PTPRN2: variants seen among roughly 807,000 people sequenced by gnomAD.
PTPRN2 encodes the protein protein tyrosine phosphatase receptor type N2, also known as receptor-type tyrosine-protein phosphatase N2.
In PTPRN2, 74 loss-of-function variants were observed where a neutral mutation model predicts 118.8. The ratio of observed to expected loss-of-function variants is 0.62; its 90% CI spans 0.52 to 0.76. The LOEUF (loss-of-function observed/expected upper bound fraction) is 0.76. PTPRN2 is among the 30% of genes least tolerant of loss of function. The pLI is 0.00. For missense variants in PTPRN2, 1,481 were observed against 1,394.4 expected, an observed-to-expected ratio of 1.06 and a Z score of -0.99; for synonymous variants, 641 against 608.0, an observed-to-expected ratio of 1.05 and a Z score of -0.80.
At chr7:158,290,106 G>A (rs1353299215) in intron 3 of PTPRN2, among the ~76,000 whole-genome samples, 1 of 152,000 alleles carries the variant, frequency 6.6e-6, no homozygotes, top group East Asian at 1.9e-4. Flanking sequence ...TTGAATTTGT[G>A]GGGGTGAGCC....
chr7:158,398,931 C>T (rs1259904239), intron 2 of PTPRN2, among the ~76,000 whole-genome samples: 1 of 152,184 alleles, frequency 6.6e-6, no homozygotes, highest in African/African-American at 2.4e-5. Flanking sequence ...AAATGCTATC[C>T]CCAACTAGGC....
intron 6 of PTPRN2, among the ~76,000 whole-genome samples, chr7:158,146,217 G>A (rs761648461): frequency 6.6e-6 from 1 of 152,028 alleles, no homozygotes; most frequent in Admixed American, 6.6e-5. Context: ...CTTCCAACTT[G>A]CTCAAGATCT....
intron 14 of PTPRN2, among the ~76,000 whole-genome samples, chr7:157,646,919 T>C (rs1585163807): frequency 6.7e-6 from 1 of 148,466 alleles, no homozygotes; most frequent in Admixed American, 6.6e-5. Context: ...CAGTGTGCAC[T>C]GAACTCGGTG....
chr7:158,321,723 T>C (rs1803030754), intron 2 of PTPRN2, among the ~76,000 whole-genome samples: 1 of 152,228 alleles, frequency 6.6e-6, no homozygotes, highest in South Asian at 2.1e-4. Flanking sequence ...GGTTTGCCTA[T>C]GAAAACTGTG....
At chr7:157,588,357 G>A (rs893742123) in intron 17 of PTPRN2, among the ~76,000 whole-genome samples, 1 of 152,238 alleles carries the variant, frequency 6.6e-6, no homozygotes, top group Non-Finnish European at 1.5e-5. Context: ...GCAGTAGGGA[G>A]GTGGTCCGTG....
At chr7:157,904,124 ACAT>A (rs924227863) in intron 11 of PTPRN2, among the ~76,000 whole-genome samples, 1 of 152,172 alleles carries the variant, frequency 6.6e-6, no homozygotes, top group Non-Finnish European at 1.5e-5. Flanking sequence ...TGAACATCAA[ACAT>A]CAGCTGAAGC....
At chr7:158,478,356 G>A (rs1053264670) in intron 2 of PTPRN2, among the ~76,000 whole-genome samples, 4 of 152,214 alleles carry the variant, frequency 2.6e-5, no homozygotes, top group African/African-American at 9.6e-5. Context: ...AAAGCACAAG[G>A]TCTTGATCAT....
chr7:158,270,822 CTCCACCTGGATGA>C (rs1798337380), intron 3 of PTPRN2, among the ~76,000 whole-genome samples: 3 of 10,364 alleles, frequency 2.9e-4, no homozygotes, highest in African/African-American at 4.2e-4. Context: ...GGACCGCCCC[CTCCACCTGGATGA>C]CCCCCTCACC....
chr7:157,589,167 A>G (rs1800846352), intron 17 of PTPRN2, among the ~76,000 whole-genome samples: 1 of 152,108 alleles, frequency 6.6e-6, no homozygotes, highest in African/African-American at 2.4e-5. Flanking sequence ...CTAGGCTTCT[A>G]TGAATCTGAC....
At position 158,587,642 on chromosome 7, in the gene PTPRN2, GC is replaced by G; in HGVS notation, c.27del (p.Leu10CysfsTer44). ...CGTGGCGGCAGCAGCAGCAGTAGCA[GC>G]AGCAGCAGCGGGAGCGGCGGCCCCA... MGPPLPLL[L>X]LLLLLLPPRV... is the part of the protein sequence containing the mutation. On this transcript the variant is annotated frameshift_variant, in exon 1 of 23. Transcript: ENST00000389418. LOFTEE classifies it high-confidence loss of function. The G allele has an allele frequency of 7.3e-7, 1 of 1,368,024 alleles. No individual in the cohort carries two copies. The highest frequency in any genetic ancestry group is 1.7e-5 in the South Asian group (1 of 59,188). 84.7% of individuals were successfully genotyped at this position (1,368,024 alleles called of 1,614,324 possible).
chr7:157,846,870 G>A (rs566266064), intron 12 of PTPRN2, among the ~76,000 whole-genome samples: 45 of 149,904 alleles, frequency 3.0e-4, no homozygotes, highest in African/African-American at 9.1e-4. Context: ...ACTCCATCAC[G>A]TGTGCCCGAT....
At chr7:157,677,371 AC>A (rs1211755691) in intron 13 of PTPRN2, among the ~76,000 whole-genome samples, 1 of 151,972 alleles carries the variant, frequency 6.6e-6, no homozygotes, top group East Asian at 1.9e-4. Flanking sequence ...GGCTTGCTGT[AC>A]CCCAACGAGC....
intron 2 of PTPRN2, among the ~76,000 whole-genome samples, chr7:158,340,041 G>T (rs1426986927): frequency 1.3e-5 from 1 of 75,254 alleles, no homozygotes; most frequent in African/African-American, 4.9e-5. Flanking sequence ...GACATATGCA[G>T]ACGTCACTCA....
chr7:157,958,908 T>G (rs1396420896), intron 11 of PTPRN2, among the ~76,000 whole-genome samples: 3 of 152,194 alleles, frequency 2.0e-5, no homozygotes, highest in African/African-American at 7.2e-5. Context: ...ATCCAAAAAT[T>G]TATATGGAAT....
chr7:158,103,366 AAAAAG>A (rs1815401461), intron 10 of PTPRN2, among the ~76,000 whole-genome samples: 1 of 152,248 alleles, frequency 6.6e-6, no homozygotes, highest in African/African-American at 2.4e-5. Flanking sequence ...AGTAAGAGGT[AAAAAG>A]CCTTAAAATA....
chr7:158,404,584 A>C (rs191727660), intron 2 of PTPRN2, among the ~76,000 whole-genome samples: 413 of 152,198 alleles, frequency 2.7e-3, no homozygotes, highest in African/African-American at 8.5e-3. Context: ...CACCCCAACA[A>C]CACCAGTCAC....
intron 1 of PTPRN2, among the ~76,000 whole-genome samples, chr7:158,522,495 G>A (rs191417532): frequency 8.6e-5 from 13 of 150,772 alleles, no homozygotes; most frequent in African/African-American, 3.2e-4. Flanking sequence ...TGTTTTAAGA[G>A]GAAGGTCCAC....
chr7:158,140,477 G>C (rs1270212137), intron 6 of PTPRN2, among the ~76,000 whole-genome samples: 1 of 152,196 alleles, frequency 6.6e-6, no homozygotes, highest in African/African-American at 2.4e-5. Flanking sequence ...GGCAGCAGGA[G>C]AGCGGATAAG....
rs532528896 is a variant in PTPRN2, at chr7:158,377,503, A to G, written c.164-60571T>C. 2.0e-5 allele frequency among the ~76,000 whole-genome samples: 3 copies of G among 152,276 alleles called. No individual in the cohort carries two copies. In the South Asian group the frequency reaches 6.2e-4, roughly 32 times the overall value. ...GGACCCCACTTGGACACCACCACGA[A>G]CCCACAGGCTGGGGAGGAAACCCCA... On this transcript the variant is annotated intron_variant, in intron 2 of 22. Transcript: ENST00000389418.
Sources: gnomAD v4.1 joint callset for allele counts (sites outside exome capture counted in the v4.1 genomes callset) on GRCh38, gnomAD v4.1.1 for gene constraint, MANE v1.5 for transcripts, NCBI Gene and HGNC (gene_info 2026-07-23, HGNC 2026-07-21) for gene names.